The following RHPN2 variants were observed in gnomAD, a reference collection of about 807,000 sequenced individuals.
RHPN2 encodes the protein rhophilin-2.
A neutral mutation model predicts 79.0 loss-of-function variants in RHPN2; 40 were observed. That is an observed-to-expected ratio of 0.51 (90% CI 0.39 to 0.66). The LOEUF is 0.66. RHPN2 is among the 30% of genes least tolerant of loss of function. RHPN2 has a pLI of 0.00. For missense variants in RHPN2, 686 were observed against 883.5 expected (o/e 0.78, Z 2.83); for synonymous variants, 285 against 363.5 (o/e 0.78, Z 2.46).
chr19:33,019,064 A>G (rs1261859598), intron 4 of RHPN2, among the ~76,000 whole-genome samples: 1 of 151,726 alleles, frequency 6.6e-6, no homozygotes, highest in African/African-American at 2.4e-5. Context: ...AAGAAAGAAA[A>G]AAATAGTAAT....
Position 32,991,969 on chromosome 19 carries a change from C to A in RHPN2, c.1498G>T (p.Gly500Cys). Reference sequence around the variant, plus strand: ...TTAGCCGAAAACACAGATAAGGGGCCCTTTGGAAGAGAGCATCGTTAGGTG... The same window carrying A: ...TTAGCCGAAAACACAGATAAGGGGCACTTTGGAAGAGAGCATCGTTAGGTG... The part of the protein sequence containing the change: ...LTVTDFFQKL[G>C]PLSVFSANKR... The change falls in exon 13 of 15, where the codon GGC (glycine) becomes TGC (cysteine). Residue 500 changes from glycine (G) to cysteine (C), a missense_variant and splice_region_variant. Coordinates refer to ENST00000254260, the MANE Select transcript of RHPN2 (RefSeq NM_033103.5). The A allele has an allele frequency of 6.2e-7, 1 of 1,613,850 alleles. No individual in the cohort carries two copies. Among genetic ancestry groups the A allele is most frequent in the South Asian group, 1.1e-5 (1 of 91,080 alleles).
At chr19:33,023,114 TAAGA>T (rs1443496210) in intron 3 of RHPN2, among the ~76,000 whole-genome samples, 8 of 152,120 alleles carry the variant, frequency 5.3e-5, no homozygotes, top group Non-Finnish European at 1.2e-4. Flanking sequence ...TCAACCATGC[TAAGA>T]AAGAAACAGT....
At chr19:32,995,657 G>C (rs565920330) in intron 11 of RHPN2, among the ~76,000 whole-genome samples, 3 of 151,954 alleles carry the variant, frequency 2.0e-5, no homozygotes, top group Non-Finnish European at 4.4e-5. Context: ...TCAGGAGTTC[G>C]AGACCAGCCT....
chr19:33,009,028 A>AGAG (rs145059317), intron 6 of RHPN2, among the ~76,000 whole-genome samples: 1 of 50,196 alleles, frequency 2.0e-5, no homozygotes, highest in Non-Finnish European at 3.3e-5. Context: ...TACCTACTGT[A>AGAG]TACGCTGTGT....
intron 1 of RHPN2, among the ~76,000 whole-genome samples, chr19:33,051,916 G>A (rs373570438): frequency 6.9e-4 from 104 of 151,236 alleles, no homozygotes; most frequent in African/African-American, 2.3e-3. Context: ...CCAGCTACTC[G>A]GGAGTCGGAG....
At chr19:32,983,411 CT>C (rs1398555308) in intron 14 of RHPN2, among the ~76,000 whole-genome samples, 2 of 151,582 alleles carry the variant, frequency 1.3e-5, no homozygotes, top group East Asian at 3.9e-4. Flanking sequence ...ACTTGGGAGG[CT>C]GAGGCAGGAG....
At chr19:33,012,893 T>TA (rs1012986315) in intron 4 of RHPN2, among the ~76,000 whole-genome samples, 169 bp from the exon 5 acceptor site, 2 of 151,980 alleles carry the variant, frequency 1.3e-5, no homozygotes, top group African/African-American at 4.8e-5. Flanking sequence ...TAGTTTTTTT[T>TA]AATACGGAGT....
At chr19:33,037,042 C>A (rs575559236) in intron 2 of RHPN2, among the ~76,000 whole-genome samples, 1 of 152,372 alleles carries the variant, frequency 6.6e-6, no homozygotes, top group African/African-American at 2.4e-5. Context: ...GTGGGATCCA[C>A]TGGGTGAAGC....
intron 1 of RHPN2, among the ~76,000 whole-genome samples, chr19:33,047,871 C>G (rs1191793911): frequency 2.6e-5 from 4 of 152,028 alleles, no homozygotes; most frequent in Non-Finnish European, 5.9e-5. Flanking sequence ...ACAATTGCGC[C>G]ACTGCACTCC....
At chr19:33,055,984 C>T (rs1839587713) in intron 1 of RHPN2, among the ~76,000 whole-genome samples, 1 of 152,058 alleles carries the variant, frequency 6.6e-6, no homozygotes, top group African/African-American at 2.4e-5. Flanking sequence ...GTGACAATGC[C>T]TCACTGTGTA....
At chr19:33,004,320 G>A (rs905600930) in intron 7 of RHPN2, among the ~76,000 whole-genome samples, 5 of 152,144 alleles carry the variant, frequency 3.3e-5, no homozygotes, top group African/African-American at 7.2e-5. Flanking sequence ...GATTACAGGT[G>A]TGAGCCACCT....
intron 2 of RHPN2, among the ~76,000 whole-genome samples, chr19:33,033,824 G>A (rs1277534204): frequency 2.0e-5 from 3 of 151,870 alleles, no homozygotes; most frequent in Non-Finnish European, 4.4e-5. Context: ...CCGAGATCGC[G>A]CCATTGCACT....
chr19:32,978,819 G>A lies in RHPN2; in HGVS notation c.*1177C>T, dbSNP rs1306521580. ...CACGGTGTCATCGAACTTATAGCAAGATAAAAATCAATCAGTAGGAATGTC... is the reference window on the plus strand; with the variant it reads ...CACGGTGTCATCGAACTTATAGCAAAATAAAAATCAATCAGTAGGAATGTC... On this transcript the variant is annotated 3_prime_UTR_variant, in exon 15 of 15. Coordinates refer to ENST00000254260, the MANE Select transcript of RHPN2 (RefSeq NM_033103.5). 2 of 152,558 alleles carry A rather than the reference G, an allele frequency of 1.3e-5. No individual in the cohort carries two copies. Among genetic ancestry groups the A allele is most frequent in the Admixed American group, 1.3e-4 (2 of 15,246 alleles). The allele number at this position is 152,558 out of a possible 1,614,324, so 9.5% of individuals were successfully genotyped here. A position where few individuals can be genotyped will look rare whatever the true frequency, so the allele number is the denominator to read the frequency against.
Position 33,035,381 on chromosome 19 carries a change from C to T in RHPN2, c.186-8749G>A, listed in dbSNP as rs944825235. The stretch of plus-strand genomic sequence containing the variant: ...CCTCCCAAAGTGCTGGGATTACAGG[C>T]TTGAGCCACCACACCTGGCCTAAAA... On this transcript the variant is annotated intron_variant, in intron 2 of 14. Transcript: ENST00000254260. 6.6e-5 allele frequency among the ~76,000 whole-genome samples: 10 copies of T among 152,296 alleles called. No individual in the cohort carries two copies. In the South Asian group the frequency reaches 2.1e-3, roughly 32 times the overall value.
rs201025321 is a variant in RHPN2, at chr19:33,008,000, T to G, written c.760+14A>C. On this transcript the variant is annotated intron_variant, in intron 7 of 14. Coordinates refer to ENST00000254260, the MANE Select transcript of RHPN2 (RefSeq NM_033103.5). Reference sequence around the variant, plus strand: ...GGCCAAGGCTCCGTCTGGTCAGCCCTGGAGGAGACATACCTGCGGCTCTCT... The same window carrying G: ...GGCCAAGGCTCCGTCTGGTCAGCCCGGGAGGAGACATACCTGCGGCTCTCT... The G allele has an allele frequency of 8.7e-6, 14 of 1,611,882 alleles. No homozygotes were observed. In the East Asian group the frequency reaches 2.9e-4, roughly 33 times the overall value.
chr19:32,985,275 T>C (rs1368715277), intron 14 of RHPN2, among the ~76,000 whole-genome samples: 3 of 152,144 alleles, frequency 2.0e-5, no homozygotes, highest in East Asian at 1.9e-4. Context: ...GATTGCACTA[T>C]TGCACTCCAG....
chr19:33,058,110 A>G (rs767903646), intron 1 of RHPN2, among the ~76,000 whole-genome samples: 3 of 152,154 alleles, frequency 2.0e-5, no homozygotes, highest in Non-Finnish European at 4.4e-5. Flanking sequence ...CAGTGAGCCG[A>G]GAGTGCACCA....
chr19:33,001,381 A>C (rs1329833896), intron 9 of RHPN2, among the ~76,000 whole-genome samples: 2 of 152,088 alleles, frequency 1.3e-5, no homozygotes, highest in African/African-American at 4.8e-5. Flanking sequence ...TATAAAAAAA[A>C]AATTTTTTTT....
chr19:32,979,420 C>T lies in RHPN2; in HGVS notation c.*576G>A, dbSNP rs1392972680. ...CCTACATTGTTTTTATTTAATAAGA[C>T]AAATTTGGCACTAGACTTTTTCTAG... On this transcript the variant is annotated 3_prime_UTR_variant, in exon 15 of 15. Transcript: ENST00000254260. 6.5e-6 allele frequency: 1 copy of T among 152,906 alleles called. No individual in the cohort carries two copies. Among genetic ancestry groups the T allele is most frequent in the East Asian group, 1.9e-4 (1 of 5,206 alleles). The allele number at this position is 152,906 out of a possible 1,614,324, so 9.5% of individuals were successfully genotyped here.
Sources: gnomAD v4.1 joint callset for allele counts (sites outside exome capture counted in the v4.1 genomes callset) on GRCh38, gnomAD v4.1.1 for gene constraint, MANE v1.5 for transcripts, NCBI Gene and HGNC (gene_info 2026-07-23, HGNC 2026-07-21) for gene names.